Variants in MPRIP observed in about 807,000 individuals in gnomAD.
The protein encoded by MPRIP is myosin phosphatase Rho-interacting protein.
A neutral mutation model predicts 234.9 loss-of-function variants in MPRIP; 59 were observed. The observed-to-expected ratio is 0.25, with a 90% CI of 0.20 to 0.31. MPRIP has a LOEUF of 0.31. MPRIP is among the 10% of genes least tolerant of loss of function. MPRIP has a pLI of 1.00. For synonymous variants in MPRIP, 1,144 were observed against 1,263.9 expected, an observed-to-expected ratio of 0.91 and a Z score of 2.01; for missense variants, 2,436 against 3,071.0, an observed-to-expected ratio of 0.79 and a Z score of 4.89.
In MPRIP at chr17:17,158,745, G is replaced by A. The variant is rs750724857; in HGVS notation, c.2143G>A (p.Gly715Arg). The A allele has an allele frequency of 2.1e-5, 34 of 1,611,154 alleles. No individual in the cohort carries two copies. The highest frequency in any genetic ancestry group is 1.6e-4 in the East Asian group (7 of 44,888). ...GCGGGAGGAGCGCCGCAAGCGCTTC[G>A]GGATGCTCGACGCCACAGACGGGCC... ...RRREERRKRF[G>R]MLDATDGPGT... Residue 715 changes from glycine to arginine, a missense_variant, in exon 14 of 24, where the codon GGG becomes AGG. Around this residue, in one of 4 missense-constraint regions of MPRIP, gnomAD observed 1,998 missense variants for 2,520.3 expected, o/e 0.79. Coordinates refer to ENST00000651222, the MANE Select transcript of MPRIP (RefSeq NM_001364716.4).
chr17:17,163,875 G>A (rs968964320), intron 15 of MPRIP, among the ~76,000 whole-genome samples: 1 of 140,590 alleles, frequency 7.1e-6, no homozygotes, highest in Non-Finnish European at 1.5e-5. Flanking sequence ...GGTTAAAGCT[G>A]TTTTCTGATG....
At chr17:17,085,513 A>G (rs1259641543) in intron 3 of MPRIP, among the ~76,000 whole-genome samples, 1 of 152,186 alleles carries the variant, frequency 6.6e-6, no homozygotes, top group Non-Finnish European at 1.5e-5. Context: ...GAGTCTTAAT[A>G]CAAGTTTTAA....
At chr17:17,072,980 C>G (rs1281582215) in intron 1 of MPRIP, among the ~76,000 whole-genome samples, 1 of 152,110 alleles carries the variant, frequency 6.6e-6, no homozygotes, top group Non-Finnish European at 1.5e-5. Context: ...TTAAATGATA[C>G]AATTCTATGA....
intron 7 of MPRIP, chr17:17,141,557 G>T (rs1460481212): frequency 6.6e-6 from 1 of 152,520 alleles, no homozygotes; most frequent in Non-Finnish European, 1.5e-5. Context: ...CTCTCCGGGG[G>T]TGAAGACGCC....
chr17:17,177,866 T>G (rs546647611), intron 22 of MPRIP, among the ~76,000 whole-genome samples: 2 of 151,452 alleles, frequency 1.3e-5, no homozygotes, highest in African/African-American at 4.9e-5. Flanking sequence ...CTGTAAAAAA[T>G]AGATGGCAGG....
At position 17,167,494 on chromosome 17, in the gene MPRIP, C is replaced by T; in HGVS notation, c.5903C>T (p.Ala1968Val). The change falls in exon 16 of 24, where the codon GCT (alanine) becomes GTT (valine). Residue 1968 changes from alanine to valine, a missense_variant. Coordinates refer to ENST00000651222, the MANE Select transcript of MPRIP (RefSeq NM_001364716.4). This position sits in a 1 kb window ranked among gnomAD's most constrained non-coding sequence, Gnocchi z 5.9. ...QLTRTESTLQ[A>V]ERSRVLSQLD... The stretch of plus-strand genomic sequence containing the variant: ...ACCAGGACCGAGAGCACACTGCAGG[C>T]TGAGCGCAGCCGGGTCCTGAGCCAG... 2 of 1,304,196 alleles carry T rather than the reference C, an allele frequency of 1.5e-6. No individual in the cohort carries two copies. The highest frequency in any genetic ancestry group is 1.2e-5 in the South Asian group (1 of 81,028). The allele number at this position is 1,304,196 out of a possible 1,614,324, so 80.8% of individuals were successfully genotyped here.
At chr17:17,099,480 A>T (rs1461064340) in intron 3 of MPRIP, among the ~76,000 whole-genome samples, 1 of 152,192 alleles carries the variant, frequency 6.6e-6, no homozygotes. Context: ...AGGCACAGTG[A>T]CTCAGGAGGC....
chr17:17,184,994 T>A lies in MPRIP; in HGVS notation c.*100T>A. ...TACCTTTGTTTTATTATTATTATTA[T>A]TATTGCTGTTGTTGTCATCGTTAAC... On this transcript the variant is annotated 3_prime_UTR_variant, in exon 24 of 24. Transcript: ENST00000651222. 1.3e-6 allele frequency: 1 copy of A among 797,426 alleles called. No homozygotes were observed. Among genetic ancestry groups the A allele is most frequent in the Non-Finnish European group, 2.1e-6 (1 of 469,746 alleles). The allele number at this position is 797,426 out of a possible 1,614,324, so 49.4% of individuals were successfully genotyped here. A position where few individuals can be genotyped will look rare whatever the true frequency, so the allele number is the denominator to read the frequency against.
At chr17:17,043,245 G>C (rs73979054) in intron 1 of MPRIP, among the ~76,000 whole-genome samples, 12,282 of 152,184 alleles carry the variant, frequency 0.081, 704 homozygotes, top group East Asian at 0.16. Flanking sequence ...TCGCTTAGTA[G>C]GAACAAAGCG....
chr17:17,151,480 G>A (rs2045601495), intron 12 of MPRIP, among the ~76,000 whole-genome samples: 1 of 152,162 alleles, frequency 6.6e-6, no homozygotes, highest in Admixed American at 6.5e-5. Context: ...TGAGTTTTAG[G>A]AGGCTCTGTA....
intron 3 of MPRIP, among the ~76,000 whole-genome samples, chr17:17,125,448 AG>A (rs1337263070): frequency 6.6e-6 from 1 of 152,222 alleles, no homozygotes; most frequent in African/African-American, 2.4e-5. Context: ...CATGTAGGCA[AG>A]GGCTCTGCAA....
chr17:17,126,995 C>T lies in MPRIP; in HGVS notation c.419+142C>T, dbSNP rs2090503674. On this transcript the variant is annotated intron_variant, in intron 4 of 23. Coordinates refer to ENST00000651222, the MANE Select transcript of MPRIP (RefSeq NM_001364716.4). ...TCTTGGGCTCTGTCTCTGTTCTCAACACCGCTGTGTGCTGAGCACAGCAGA... is the reference window on the plus strand; with the variant it reads ...TCTTGGGCTCTGTCTCTGTTCTCAATACCGCTGTGTGCTGAGCACAGCAGA... 1.4e-5 allele frequency: 15 copies of T among 1,071,494 alleles called. No individual in the cohort carries two copies. In the South Asian group the frequency reaches 2.0e-4, roughly 14 times the overall value. 66.4% of individuals were successfully genotyped at this position (1,071,494 alleles called of 1,614,324 possible).
chr17:17,130,393 C>A (rs1272446219), intron 4 of MPRIP, among the ~76,000 whole-genome samples: 1 of 151,680 alleles, frequency 6.6e-6, no homozygotes, highest in Non-Finnish European at 1.5e-5. Context: ...CCCTCCCTCC[C>A]TCCTCCCCAT....
rs367978119 is a variant in MPRIP, at chr17:17,102,177, C to T, written c.267+24101C>T. ...CGCTGGAATTACAGGCATGAGCCACCGCACCCAGCCTCCCTTCCTGTCTTT... is the reference window on the plus strand; with the variant it reads ...CGCTGGAATTACAGGCATGAGCCACTGCACCCAGCCTCCCTTCCTGTCTTT... On this transcript the variant is annotated intron_variant, in intron 3 of 23. Transcript: ENST00000651222. Among the ~76,000 whole-genome samples the T allele has an allele frequency of 1.3e-3, 195 of 152,274 alleles. No individual in the cohort carries two copies. The South Asian group carries it at 0.026, about 20-fold the overall frequency.
chr17:17,107,937 G>A (rs1455271851), intron 3 of MPRIP, among the ~76,000 whole-genome samples: 2 of 152,336 alleles, frequency 1.3e-5, no homozygotes, highest in Non-Finnish European at 2.9e-5. Flanking sequence ...GGCCAGGGCT[G>A]CAGAGGTTGC....
At chr17:17,067,790 C>CTTTTTTTTTTTTTT (rs35187618) in intron 1 of MPRIP, among the ~76,000 whole-genome samples, 7 of 76,754 alleles carry the variant, frequency 9.1e-5, no homozygotes, top group Admixed American at 1.6e-4. Context: ...CTTCTTCTTC[C>CTTTTTTTTTTTTTT]TTTTTTTTTT....
intron 1 of MPRIP, among the ~76,000 whole-genome samples, chr17:17,045,240 C>T (rs1476399377): frequency 6.6e-6 from 1 of 152,210 alleles, no homozygotes; most frequent in Non-Finnish European, 1.5e-5. Context: ...TGGTGGGCAG[C>T]CTTGGCCGGC....
At chr17:17,108,870 A>G (rs948069512) in intron 3 of MPRIP, among the ~76,000 whole-genome samples, 1 of 152,230 alleles carries the variant, frequency 6.6e-6, no homozygotes, top group African/African-American at 2.4e-5. Context: ...TCTCAGGCTC[A>G]GGCAGACTTG....
intron 1 of MPRIP, among the ~76,000 whole-genome samples, chr17:17,061,588 G>A (rs942888766): frequency 6.6e-6 from 1 of 152,230 alleles, no homozygotes; most frequent in Admixed American, 6.5e-5. Context: ...CTTTGGTCCA[G>A]AGAAGTCTTT....
Sources: allele counts gnomAD v4.1 joint callset (sites outside exome capture counted in the v4.1 genomes callset), GRCh38; gene constraint gnomAD v4.1.1; regional missense constraint gnomAD v4.1.1; non-coding constraint Gnocchi (gnomAD v3.1); transcripts MANE v1.5; gene names NCBI Gene and HGNC (gene_info 2026-07-23, HGNC 2026-07-21).